The following TONSL variants were observed in gnomAD, a reference collection of about 807,000 sequenced individuals.
The protein encoded by TONSL is tonsoku-like protein.
A neutral mutation model predicts 147.1 loss-of-function variants in TONSL; 112 were observed. The observed-to-expected ratio is 0.76, with a 90% CI of 0.65 to 0.89. TONSL has a LOEUF of 0.89. Among genes scored for constraint, TONSL ranks in the 40% least tolerant of loss-of-function variants. The pLI is 0.00. For missense variants in TONSL, 1,883 were observed against 1,864.6 expected, an observed-to-expected ratio of 1.01 and a Z score of -0.18; for synonymous variants, 868 against 801.5, an observed-to-expected ratio of 1.08 and a Z score of -1.40.
Position 144,436,222 on chromosome 8 carries a change from T to C in TONSL, c.2211A>G (p.Pro737=), listed in dbSNP as rs1419964800. 6.4e-7 allele frequency: 1 copy of C among 1,563,514 alleles called. No homozygotes were observed. The highest frequency in any genetic ancestry group is 1.7e-5 in the Admixed American group (1 of 57,700). The change falls in exon 17 of 26, where the codon CCA becomes CCG. Residue 737 remains proline, a synonymous_variant. Coordinates refer to ENST00000409379, the MANE Select transcript of TONSL (RefSeq NM_013432.5). ...CTTCTGAGCTGCTGCTGCTGCTGGC[T>C]GGCCCATGCCTGCTCCTCCGAGGCC... ...MARPRRSRHG[P]ASSSSSSEGE... is the part of the protein sequence containing the mutation.
intron 14 of TONSL, 52 bp downstream of exon 14, chr8:144,436,975 T>TCGCCC (rs1451352860): frequency 6.2e-7 from 1 of 1,612,736 alleles, no homozygotes; most frequent in Non-Finnish European, 8.5e-7. Flanking sequence ...GACTGACTCT[T>TCGCCC]CGCCCCACGT....
At position 144,440,184 on chromosome 8, in the gene TONSL, G is replaced by A. The variant is rs202099960; in HGVS notation, c.1317C>T (p.Thr439=). Reference sequence around the variant, plus strand: ...CCTGGGGCTGCAGCCTCAGCTGCACGGTATGGAGATGCTGCAAGACCTGCC... The same window carrying A: ...CCTGGGGCTGCAGCCTCAGCTGCACAGTATGGAGATGCTGCAAGACCTGCC... ...LQRQVLQHLH[T]VQLRLQPQEA... is the part of the protein sequence containing the mutation. Residue 439 remains threonine, a synonymous_variant, in exon 11 of 26, where the codon ACC becomes ACT. Transcript: ENST00000409379. 4.4e-5 allele frequency: 70 copies of A among 1,603,272 alleles called. No homozygotes were observed. In the East Asian group the frequency reaches 5.6e-4, roughly 13 times the overall value.
At chr8:144,429,478 GC>G in intron 25 of TONSL, 142 bp from the exon 26 acceptor site, 1 of 693,622 alleles carries the variant, frequency 1.4e-6, no homozygotes, top group Non-Finnish European at 2.1e-6. Flanking sequence ...CTCCGGAGAG[GC>G]CCCATGACTC....
chr8:144,440,671 C>T, intron 9 of TONSL, 47 bp downstream of exon 9: 1 of 1,585,698 alleles, frequency 6.3e-7, no homozygotes, highest in South Asian at 1.1e-5. Context: ...AGTCCTGAGG[C>T]AGAGACATGG....
At chr8:144,432,125 C>T (rs1473896788) in intron 23 of TONSL, among the ~76,000 whole-genome samples, 160 bp downstream of exon 23, 1 of 152,150 alleles carries the variant, frequency 6.6e-6, no homozygotes, top group Non-Finnish European at 1.5e-5. Flanking sequence ...CGCGCCTGGC[C>T]CCCCAGCTGT....
chr8:144,441,388 C>T (rs1195501448), intron 7 of TONSL: 4 of 386,240 alleles, frequency 1.0e-5, no homozygotes, highest in African/African-American at 2.0e-5. Context: ...GTCAGGAGAT[C>T]GAGACCATCC....
Position 144,431,832 on chromosome 8 carries a change from C to CT in TONSL, c.3735+452dup, listed in dbSNP as rs35278312. Reference sequence around the variant, plus strand: ...CCAGCCTGTTTTTTTCTTTTTCTTTCTTTTTTTTTTTTTTTGAGACGGAAT... The same window carrying CT: ...CCAGCCTGTTTTTTTCTTTTTCTTTCTTTTTTTTTTTTTTTTGAGACGGAAT... On this transcript the variant is annotated intron_variant, in intron 23 of 25. Transcript: ENST00000409379. 2.5e-3 allele frequency among the ~76,000 whole-genome samples: 316 copies of CT among 124,796 alleles called. 2 individuals are homozygous for CT. Among genetic ancestry groups the CT allele is most frequent in the African/African-American group, 5.8e-3 (189 of 32,546 alleles). The allele number at this position is 124,796 out of a possible 152,430, so 81.9% of individuals were successfully genotyped here.
In TONSL at chr8:144,442,728, T is replaced by C. The variant is rs373424723; in HGVS notation, c.527A>G (p.Gln176Arg). 5.8e-5 allele frequency: 94 copies of C among 1,612,946 alleles called. No individual in the cohort carries two copies. The highest frequency in any genetic ancestry group is 1.7e-5 in the Admixed American group (1 of 60,006). Residue 176 changes from glutamine (Q) to arginine (R), a missense_variant, in exon 5 of 26, where the codon CAG becomes CGG. Transcript: ENST00000409379. The stretch of plus-strand genomic sequence containing the variant: ...GTAATCGTTGCACAGGGCTGTCTGC[T>C]GCAGGCTCTCAAAGGTGAGGCCCAG... ...LNLGLTFESL[Q>R]QTALCNDYFR...
At chr8:144,443,343 T>C in intron 3 of TONSL, 22 bp from the exon 4 acceptor site, 1 of 1,538,842 alleles carries the variant, frequency 6.5e-7, no homozygotes, top group Non-Finnish European at 8.8e-7. Context: ...AGGAAGTCAC[T>C]GCTGTGAGCC....
At chr8:144,441,618 T>G in intron 7 of TONSL, 1 of 201,672 alleles carries the variant, frequency 5.0e-6, no homozygotes, top group Non-Finnish European at 1.0e-5. Flanking sequence ...ACAACATGGA[T>G]GGTGCCTGGC....
Position 144,442,563 on chromosome 8 carries a change from G to C in TONSL, c.578+114C>G, listed in dbSNP as rs575457312. On this transcript the variant is annotated intron_variant, in intron 5 of 25. Coordinates refer to ENST00000409379, the MANE Select transcript of TONSL (RefSeq NM_013432.5). Reference sequence around the variant, plus strand: ...GTGGCACAGGTGTGAGAGGTGGGGGGATGAGGCCCAGCCAGACTGCTCTCT... The same window carrying C: ...GTGGCACAGGTGTGAGAGGTGGGGGCATGAGGCCCAGCCAGACTGCTCTCT... The C allele has an allele frequency of 8.2e-4, 1,225 of 1,501,788 alleles. 1 individual carries two copies. Among genetic ancestry groups the C allele is most frequent in the Non-Finnish European group, 9.9e-4 (1,113 of 1,119,034 alleles). 93.0% of individuals were successfully genotyped at this position (1,501,788 alleles called of 1,614,324 possible). A position where few individuals can be genotyped will look rare whatever the true frequency, so the allele number is the denominator to read the frequency against.
Position 144,440,178 on chromosome 8 carries a change from C to G in TONSL, c.1323G>C (p.Gln441His). 1.2e-6 allele frequency: 2 copies of G among 1,609,754 alleles called. No homozygotes were observed. The highest frequency in any genetic ancestry group is 1.7e-6 in the Non-Finnish European group (2 of 1,178,760). Residue 441 changes from glutamine to histidine, a missense_variant, in exon 11 of 26, where the codon CAG becomes CAC. Transcript: ENST00000409379. ...RQVLQHLHTV[Q>H]LRLQPQEAPE... is the part of the protein sequence containing the mutation. ...GGGCCTCCTGGGGCTGCAGCCTCAG[C>G]TGCACGGTATGGAGATGCTGCAAGA...
intron 7 of TONSL, 50 bp from the exon 8 acceptor site, chr8:144,441,161 C>G: frequency 3.8e-6 from 6 of 1,597,572 alleles, no homozygotes; most frequent in Non-Finnish European, 5.1e-6. Flanking sequence ...GCCCTGACCC[C>G]AGCTCTACCA....
intron 22 of TONSL, chr8:144,433,277 C>T (rs1008742058): frequency 1.0e-4 from 24 of 232,724 alleles, no homozygotes; most frequent in East Asian, 2.3e-4. Context: ...GGCGTTTCAC[C>T]GTGTTAGCCA....
chr8:144,433,914 G>A, intron 21 of TONSL, 64 bp downstream of exon 21: 3 of 1,496,726 alleles, frequency 2.0e-6, no homozygotes, highest in Non-Finnish European at 2.7e-6. Context: ...GACCACCCAG[G>A]GACCTGCAGA....
At chr8:144,442,623 C>T (rs1823762054) in intron 5 of TONSL, 54 bp downstream of exon 5, 1 of 1,585,156 alleles carries the variant, frequency 6.3e-7, no homozygotes, top group Non-Finnish European at 8.6e-7. Flanking sequence ...CCCCTAACTA[C>T]TTCCTCCAGG....
In TONSL at chr8:144,442,822, C is replaced by A. The variant is rs905896780; in HGVS notation, c.449-16G>T. On this transcript the variant is annotated splice_polypyrimidine_tract_variant and intron_variant, in intron 4 of 25. Transcript: ENST00000409379. ...GCCAGTGTCCCTGGAAGATACCCCC[C>A]CAAACACTCAGCCACTTCCTCCCCA... 4.4e-6 allele frequency: 7 copies of A among 1,605,112 alleles called. No individual in the cohort carries two copies. Among genetic ancestry groups the A allele is most frequent in the Admixed American group, 1.7e-5 (1 of 59,108 alleles).
Position 144,442,077 on chromosome 8 carries a change from C to A in TONSL, c.825G>T (p.Lys275Asn). 6.2e-7 allele frequency: 1 copy of A among 1,612,864 alleles called. No homozygotes were observed. Among genetic ancestry groups the A allele is most frequent in the East Asian group, 2.2e-5 (1 of 44,876 alleles). ...LKKAYRLGSQ[K>N]PVQRAAICQN... ...GACAGATGGCTGCCCTCTGCACAGG[C>A]TTCTGGGAGCCCAGCCTGTAGGCCT... Residue 275 changes from lysine to asparagine, a missense_variant, in exon 7 of 26, where the codon AAG (lysine) becomes AAT (asparagine). Physicochemically the swap from Lys to Asn is moderately conservative, Grantham distance 94 (BLOSUM62 0). Transcript: ENST00000409379.
chr8:144,438,542 T>G lies in TONSL; in HGVS notation c.1582A>C (p.Met528Leu). Reference protein sequence around the residue: ...KGSKWNRRNDMGETLLHRACI... With the variant: ...KGSKWNRRNDLGETLLHRACI... ...GCTCGGTGCAGCAGGGTCTCCCCCATGTCGTTTCGCCGGTTCCACTGTGGG... is the reference window on the plus strand; with the variant it reads ...GCTCGGTGCAGCAGGGTCTCCCCCAGGTCGTTTCGCCGGTTCCACTGTGGG... Residue 528 changes from methionine (M) to leucine (L), a missense_variant, in exon 13 of 26, where the codon ATG (methionine) becomes CTG (leucine). Coordinates refer to ENST00000409379, the MANE Select transcript of TONSL (RefSeq NM_013432.5). The G allele has an allele frequency of 6.2e-7, 1 of 1,612,820 alleles. No individual in the cohort carries two copies. The highest frequency in any genetic ancestry group is 8.5e-7 in the Non-Finnish European group (1 of 1,179,806).
Sources: allele counts gnomAD v4.1 joint callset (sites outside exome capture counted in the v4.1 genomes callset), GRCh38; gene constraint gnomAD v4.1.1; transcripts MANE v1.5; gene names NCBI Gene and HGNC (gene_info 2026-07-23, HGNC 2026-07-21).